Variants in PDE1C observed in about 807,000 individuals in gnomAD.
The protein encoded by PDE1C is dual specificity calcium/calmodulin-dependent 3',5'-cyclic nucleotide phosphodiesterase 1C.
A neutral mutation model predicts 93.1 loss-of-function variants in PDE1C; 62 were observed. That is an observed-to-expected ratio of 0.67 (90% CI 0.54 to 0.82). The LOEUF (loss-of-function observed/expected upper bound fraction) is 0.82, where lower values mean the gene tolerates loss of function less well. Ranked by LOEUF, PDE1C falls within the 40% of genes least tolerant of loss-of-function variation. PDE1C has a pLI of 0.00. For synonymous variants in PDE1C, 325 were observed against 310.1 expected (o/e 1.05, Z -0.50); for missense variants, 742 against 884.6 (o/e 0.84, Z 2.04).
chr7:32,256,345 C>CT (rs1368600111), intron 1 of PDE1C, among the ~76,000 whole-genome samples: 1 of 152,188 alleles, frequency 6.6e-6, no homozygotes, highest in Non-Finnish European at 1.5e-5. Context: ...CACTGCAGCC[C>CT]TGGAAGTGTC....
intron 7 of PDE1C, among the ~76,000 whole-genome samples, chr7:31,855,278 C>T (rs1268741624): frequency 1.3e-5 from 2 of 151,996 alleles, no homozygotes; most frequent in Non-Finnish European, 2.9e-5. Flanking sequence ...CTAACCTTTT[C>T]CACAGTTTCC....
chr7:31,817,155 T>C (rs1472848462), intron 14 of PDE1C, among the ~76,000 whole-genome samples: 1 of 152,126 alleles, frequency 6.6e-6, no homozygotes, highest in South Asian at 2.1e-4. Context: ...CAGAGTAATA[T>C]GCTGGAATAT....
In PDE1C at chr7:32,260,068, C is replaced by T. The variant is rs116056145; in HGVS notation, c.85+38583G>A. Among the ~76,000 whole-genome samples the T allele has an allele frequency of 2.4e-3, 361 of 152,272 alleles. 1 individual carries two copies. Among genetic ancestry groups the T allele is most frequent in the African/African-American group, 8.2e-3 (342 of 41,544 alleles). ...CCAACCAGTCTCTAGAGGGCTGCTA[C>T]GAGGCTCTTCCTGTTTCCAGGCGGA... On this transcript the variant is annotated intron_variant, in intron 1 of 18. Transcript: ENST00000396193.
rs369475408 is a variant in PDE1C, at chr7:31,966,716, A to T, written c.128+84838T>A. On this transcript the variant is annotated intron_variant, in intron 2 of 17. Coordinates refer to ENST00000396191, the MANE Select transcript of PDE1C (RefSeq NM_001191057.4). ...TTGACCACATAGTTGGAAGTAAAGC[A>T]CTCCTCAGCAAATGTGAAAGAACAG... Among the ~76,000 whole-genome samples, 32 of 152,240 alleles carry T rather than the reference A, an allele frequency of 2.1e-4. 3 individuals are homozygous for T. The highest frequency in any genetic ancestry group is 7.2e-4 in the Admixed American group (11 of 15,282).
chr7:31,923,093 C>T lies in PDE1C; in HGVS notation c.129-42233G>A, dbSNP rs114840697. On this transcript the variant is annotated intron_variant, in intron 2 of 17. Transcript: ENST00000396191. ...TGGGCAGGGAGAGCTGGGGGGACTC[C>T]GAGTGGCTGATGCTGAAACACTGCA... Among the ~76,000 whole-genome samples, 909 of 152,180 alleles carry T rather than the reference C, an allele frequency of 6.0e-3. 3 individuals carry two copies. The highest frequency in any genetic ancestry group is 0.021 in the African/African-American group (859 of 41,512).
chr7:32,250,886 C>T (rs1261741282), intron 1 of PDE1C, among the ~76,000 whole-genome samples: 2 of 152,224 alleles, frequency 1.3e-5, no homozygotes, highest in African/African-American at 4.8e-5. Flanking sequence ...CAAAGGCATC[C>T]TGTCATGGGC....
Position 32,374,252 on chromosome 7 carries a change from AAAGG to A in PDE1C, c.310+53566_310+53569del, listed in dbSNP as rs534413253. ...AGAAAAAGAAAGAAGGAAGGAAAGG[AAAGG>A]AAGAAAGAAAGAAAGAAAGAAAGAA... On this transcript the variant is annotated intron_variant, in intron 1 of 1. Coordinates refer to the PDE1C transcript ENST00000672256. 4.0e-4 allele frequency among the ~76,000 whole-genome samples: 51 copies of A among 128,656 alleles called. 1 individual carries two copies. Among genetic ancestry groups the A allele is most frequent in the Non-Finnish European group, 6.7e-4 (40 of 59,930 alleles). 84.4% of individuals were successfully genotyped at this position (128,656 alleles called of 152,430 possible). A position where few individuals can be genotyped will look rare whatever the true frequency, so the allele number is the denominator to read the frequency against.
rs545414658 is a variant in PDE1C at position 32,383,276 on chromosome 7, T to A, written c.310+44546A>T. On this transcript the variant is annotated intron_variant, in intron 1 of 1. Transcript: ENST00000672256. ...CAATCACAAGACTATCAACAAGCAT[T>A]AATTGAACACCTGCTGTATACAAGG... Among the ~76,000 whole-genome samples the A allele has an allele frequency of 2.6e-5, 4 of 152,308 alleles. No individual in the cohort carries two copies. In the South Asian group the frequency reaches 8.3e-4, roughly 32 times the overall value.
intron 3 of PDE1C, among the ~76,000 whole-genome samples, chr7:32,118,297 C>T (rs371195458): frequency 2.0e-5 from 3 of 152,078 alleles, no homozygotes; most frequent in African/African-American, 2.4e-5. Flanking sequence ...ATGTGATCAC[C>T]GTGGACTTAA....
chr7:32,086,242 C>T (rs1225894254), intron 3 of PDE1C, among the ~76,000 whole-genome samples: 1 of 148,336 alleles, frequency 6.7e-6, no homozygotes, highest in African/African-American at 2.5e-5. Flanking sequence ...CATGAGTGAA[C>T]TCCCATTCAC....
Position 32,135,980 on chromosome 7 carries a change from T to G in PDE1C, c.308+33805A>C, listed in dbSNP as rs925404217. On this transcript the variant is annotated intron_variant, in intron 3 of 18. Transcript: ENST00000396193. ...ACATGATAGCATGCAGTAACATGGA[T>G]GAACCTGGAAGACTATGCTAAGTGA... 3.3e-5 allele frequency among the ~76,000 whole-genome samples: 5 copies of G among 152,180 alleles called. No homozygotes were observed. The East Asian group carries it at 9.6e-4, about 29-fold the overall frequency.
chr7:31,718,388 G>T, the PDE1C span, among the ~76,000 whole-genome samples: 1 of 152,114 alleles, frequency 6.6e-6, no homozygotes. Flanking sequence ...CTACTCACAG[G>T]TCTGAAGACA....
intron 3 of PDE1C, among the ~76,000 whole-genome samples, chr7:32,126,925 A>T (rs547544177): frequency 6.6e-6 from 1 of 152,224 alleles, no homozygotes; most frequent in Non-Finnish European, 1.5e-5. Context: ...ATGCCCAAAC[A>T]TTTGGCCAAG....
In PDE1C at chr7:31,984,378, G is replaced by A. The variant is rs190782327; in HGVS notation, c.128+67176C>T. Among the ~76,000 whole-genome samples the A allele has an allele frequency of 5.1e-3, 770 of 152,176 alleles. 16 individuals carry two copies. The highest frequency in any genetic ancestry group is 0.04 in the Admixed American group (610 of 15,280). On this transcript the variant is annotated intron_variant, in intron 2 of 17. Coordinates refer to ENST00000396191, the MANE Select transcript of PDE1C (RefSeq NM_001191057.4). Reference sequence around the variant, plus strand: ...TCCTAAAACCATCCCCCTGCCATCCGTGGCAAAATTGTCTTCCACAAAATG... The same window carrying A: ...TCCTAAAACCATCCCCCTGCCATCCATGGCAAAATTGTCTTCCACAAAATG...
chr7:32,024,707 G>A (rs1484099891), intron 2 of PDE1C, among the ~76,000 whole-genome samples: 1 of 152,116 alleles, frequency 6.6e-6, no homozygotes, highest in East Asian at 1.9e-4. Flanking sequence ...CTGACACACA[G>A]TTCTGTGAGC....
chr7:31,989,033 G>A (rs1783802252), intron 2 of PDE1C, among the ~76,000 whole-genome samples: 6 of 127,344 alleles, frequency 4.7e-5, no homozygotes, highest in Admixed American at 1.6e-4. Context: ...GAGAGAGAAA[G>A]AGAGAAAGGA....
At chr7:32,379,240 C>T (rs1289947626) in intron 1 of PDE1C, among the ~76,000 whole-genome samples, 1 of 152,286 alleles carries the variant, frequency 6.6e-6, no homozygotes, top group Middle Eastern at 3.4e-3. Context: ...CTCCTGGCAG[C>T]ACCAACATCC....
In PDE1C at chr7:32,251,390, A is replaced by G. The variant is rs1809369397; in HGVS notation, c.86-41851T>C. Among the ~76,000 whole-genome samples, 2 of 151,968 alleles carry G rather than the reference A, an allele frequency of 1.3e-5. 1 individual carries two copies. The highest frequency in any genetic ancestry group is 4.2e-4 in the South Asian group (2 of 4,816). On this transcript the variant is annotated intron_variant, in intron 1 of 18. Coordinates refer to the PDE1C transcript ENST00000396193. Reference sequence around the variant, plus strand: ...AACTCAGGCAAGGGCACCATCATCTACCCGGTTTTCCAGACCAGGCACCTT... The same window carrying G: ...AACTCAGGCAAGGGCACCATCATCTGCCCGGTTTTCCAGACCAGGCACCTT...
intron 2 of PDE1C, among the ~76,000 whole-genome samples, chr7:31,927,322 T>A (rs111585733): frequency 1.3e-5 from 2 of 152,306 alleles, no homozygotes; most frequent in African/African-American, 4.8e-5. Flanking sequence ...AAAACTCCCA[T>A]CTCCCTGGGA....
Sources: allele counts gnomAD v4.1 joint callset (sites outside exome capture counted in the v4.1 genomes callset), GRCh38; gene constraint gnomAD v4.1.1; transcripts MANE v1.5; gene names NCBI Gene and HGNC (gene_info 2026-07-23, HGNC 2026-07-21).